ITSN1: variants seen among roughly 807,000 people sequenced by gnomAD.
ITSN1 encodes intersectin-1.
Under a neutral mutation model 239.8 loss-of-function variants are expected in ITSN1, and 58 were observed. The ratio of observed to expected loss-of-function variants is 0.24; its 90% CI spans 0.20 to 0.30. The LOEUF (loss-of-function observed/expected upper bound fraction) is 0.30. Ranked by LOEUF, ITSN1 falls within the 10% of genes least tolerant of loss-of-function variation. The pLI is 1.00. For synonymous variants in ITSN1, 780 were observed against 770.8 expected, an observed-to-expected ratio of 1.01 and a Z score of -0.20; for missense variants, 1,558 against 2,103.3, an observed-to-expected ratio of 0.74 and a Z score of 5.07.
chr21:33,859,637 G>C (rs1359854021), intron 31 of ITSN1, among the ~76,000 whole-genome samples: 1 of 152,160 alleles, frequency 6.6e-6, no homozygotes, highest in Non-Finnish European at 1.5e-5. Context: ...ATCTTCATCC[G>C]TGTCATTGGG....
At chr21:33,659,798 C>T (rs2089409562) in intron 1 of ITSN1, among the ~76,000 whole-genome samples, 1 of 146,320 alleles carries the variant, frequency 6.8e-6, no homozygotes, top group African/African-American at 2.5e-5. Flanking sequence ...TGGCTAACTG[C>T]AGCCTCAACC....
Position 33,657,943 on chromosome 21 carries a change from G to A in ITSN1, c.-33+15230G>A, listed in dbSNP as rs116640301. 7.3e-3 allele frequency among the ~76,000 whole-genome samples: 1,107 copies of A among 152,194 alleles called. 11 individuals are homozygous for A. Among genetic ancestry groups the A allele is most frequent in the African/African-American group, 0.025 (1,047 of 41,514 alleles). ...TGAGGTTACAGTGACCTGTGGTTGT[G>A]CCAGTGCACTCCAGCCTGAGCGACA... On this transcript the variant is annotated intron_variant, in intron 1 of 39. Transcript: ENST00000381318.
chr21:33,802,336 T>C (rs1375209955), intron 19 of ITSN1, 94 bp from the exon 20 acceptor site: 4 of 1,210,890 alleles, frequency 3.3e-6, no homozygotes, highest in Non-Finnish European at 4.8e-6. Flanking sequence ...ACCAGCTTGA[T>C]GAGATGCGTA....
intron 9 of ITSN1, 80 bp from the exon 10 acceptor site, chr21:33,765,795 A>G: frequency 6.7e-7 from 1 of 1,496,584 alleles, no homozygotes; most frequent in African/African-American, 1.4e-5. Flanking sequence ...ATAAGAAAAC[A>G]TAACTTTTAA....
At chr21:33,781,160 A>C (rs941391778) in intron 14 of ITSN1, among the ~76,000 whole-genome samples, 12 of 152,324 alleles carry the variant, frequency 7.9e-5, no homozygotes, top group Middle Eastern at 3.4e-3. Context: ...TCATTGCTTC[A>C]ATTTATCTCT....
chr21:33,858,974 C>T (rs975897119), intron 31 of ITSN1, among the ~76,000 whole-genome samples, 182 bp downstream of exon 31: 5 of 151,840 alleles, frequency 3.3e-5, no homozygotes, highest in African/African-American at 4.8e-5. Context: ...TTTCTGGAAA[C>T]GCACTCCGAA....
chr21:33,675,884 T>TA (rs2090559277), intron 1 of ITSN1, among the ~76,000 whole-genome samples: 1 of 152,234 alleles, frequency 6.6e-6, no homozygotes, highest in Admixed American at 6.5e-5. Context: ...TCTTCATACT[T>TA]AGGGACATTA....
intron 1 of ITSN1, among the ~76,000 whole-genome samples, chr21:33,675,500 G>A (rs1418541115): frequency 6.6e-6 from 1 of 152,146 alleles, no homozygotes; most frequent in Non-Finnish European, 1.5e-5. Context: ...CCGGGACGGG[G>A]AGCTTACAGT....
intron 4 of ITSN1, among the ~76,000 whole-genome samples, chr21:33,726,195 T>G (rs1195582341): frequency 3.9e-5 from 6 of 152,156 alleles, no homozygotes; most frequent in Non-Finnish European, 8.8e-5. Flanking sequence ...GTTTTCACCA[T>G]GTTGGCTAGC....
chr21:33,837,316 T>C lies in ITSN1; in HGVS notation c.3661+684T>C, dbSNP rs951418591. The C allele has an allele frequency of 2.7e-6, 3 of 1,095,088 alleles. No homozygotes were observed. In the African/African-American group the frequency reaches 4.9e-5, roughly 18 times the overall value. 67.8% of individuals were successfully genotyped at this position (1,095,088 alleles called of 1,614,324 possible). A position where few individuals can be genotyped will look rare whatever the true frequency, so the allele number is the denominator to read the frequency against. ...CTTTGCACAGGTGCTTTCAATAGTT[T>C]TAAAATTATTTTTAAATATATATTT... On this transcript the variant is annotated intron_variant, in intron 29 of 39. Coordinates refer to ENST00000381318, the MANE Select transcript of ITSN1 (RefSeq NM_003024.3).
chr21:33,824,620 C>G (rs1475014090), intron 25 of ITSN1, among the ~76,000 whole-genome samples: 2 of 152,278 alleles, frequency 1.3e-5, no homozygotes, highest in South Asian at 2.1e-4. Context: ...GTATACTGGG[C>G]TCTTACATGT....
chr21:33,796,519 C>T (rs16990873), intron 17 of ITSN1, among the ~76,000 whole-genome samples: 4,978 of 152,186 alleles, frequency 0.033, 127 homozygotes, highest in Middle Eastern at 0.071. Flanking sequence ...TAATTCTAGC[C>T]GATGACCTGT....
intron 16 of ITSN1, among the ~76,000 whole-genome samples, chr21:33,791,281 A>G (rs1387171347): frequency 6.6e-6 from 1 of 152,198 alleles, no homozygotes; most frequent in East Asian, 1.9e-4. Context: ...AATGATAGAA[A>G]AACTTTGCCA....
intron 20 of ITSN1, among the ~76,000 whole-genome samples, chr21:33,803,350 G>A (rs2072157466): frequency 6.6e-6 from 1 of 152,010 alleles, no homozygotes; most frequent in African/African-American, 2.4e-5. Flanking sequence ...TTCCTCTTTT[G>A]GGCACATGCA....
intron 4 of ITSN1, among the ~76,000 whole-genome samples, chr21:33,727,531 G>T (rs1230434966): frequency 6.8e-6 from 1 of 148,038 alleles, no homozygotes; most frequent in Non-Finnish European, 1.5e-5. Context: ...GTCATAGTTT[G>T]TACTTTCTTA....
intron 20 of ITSN1, 61 bp downstream of exon 20, chr21:33,802,505 C>T: frequency 6.5e-7 from 1 of 1,542,602 alleles, no homozygotes; most frequent in African/African-American, 1.4e-5. Flanking sequence ...CCTTTTAAGT[C>T]ACTTGAATTC....
intron 7 of ITSN1, among the ~76,000 whole-genome samples, chr21:33,754,541 T>C (rs1200235459): frequency 6.6e-6 from 1 of 152,194 alleles, no homozygotes; most frequent in Non-Finnish European, 1.5e-5. Context: ...TAACAAGCCA[T>C]TGGTACCAGT....
chr21:33,838,719 T>C (rs1372652986), intron 29 of ITSN1, among the ~76,000 whole-genome samples: 1 of 151,640 alleles, frequency 6.6e-6, no homozygotes, highest in Non-Finnish European at 1.5e-5. Context: ...GATCATTCCT[T>C]ATAATACCAG....
chr21:33,693,026 A>ACCT (rs1283934236), intron 1 of ITSN1, among the ~76,000 whole-genome samples: 1 of 152,034 alleles, frequency 6.6e-6, no homozygotes, highest in Non-Finnish European at 1.5e-5. Context: ...TGAACTCCTG[A>ACCT]CCTCATGTGA....
Sources: gnomAD v4.1 joint callset for allele counts (sites outside exome capture counted in the v4.1 genomes callset) on GRCh38, gnomAD v4.1.1 for gene constraint, MANE v1.5 for transcripts, NCBI Gene and HGNC (gene_info 2026-07-23, HGNC 2026-07-21) for gene names.